Variants in SCNN1D observed in about 807,000 individuals in gnomAD.
SCNN1D encodes the protein epithelial sodium channel subunit delta.
A neutral mutation model predicts 87.8 loss-of-function variants in SCNN1D; 104 were observed. The observed-to-expected ratio is 1.18, with a 90% CI of 1.01 to 1.39. The LOEUF (loss-of-function observed/expected upper bound fraction) is 1.39, where lower values mean the gene tolerates loss of function less well. Ranked by LOEUF, SCNN1D falls within the 40% of genes most tolerant of loss-of-function variation. The pLI is 0.00. For missense variants in SCNN1D, 1,324 were observed against 1,093.9 expected, an observed-to-expected ratio of 1.21 and a Z score of -2.97; for synonymous variants, 628 against 481.2, an observed-to-expected ratio of 1.31 and a Z score of -3.99.
In SCNN1D at chr1:1,291,242, C is replaced by A; in HGVS notation, c.2053-12C>A. 6.4e-7 allele frequency: 1 copy of A among 1,560,464 alleles called. No individual in the cohort carries two copies. The highest frequency in any genetic ancestry group is 8.7e-7 in the Non-Finnish European group (1 of 1,153,746). On this transcript the variant is annotated splice_polypyrimidine_tract_variant and intron_variant, in intron 17 of 17. Coordinates refer to ENST00000379116, the MANE Select transcript of SCNN1D (RefSeq NM_001130413.4). Reference sequence around the variant, plus strand: ...CCTGGGCCCGCCCCTCACACCCGCACCCCACCCGCAGGTGCCGCAGCTGCT... The same window carrying A: ...CCTGGGCCCGCCCCTCACACCCGCAACCCACCCGCAGGTGCCGCAGCTGCT...
intron 12 of SCNN1D, among the ~76,000 whole-genome samples, 167 bp downstream of exon 12, chr1:1,288,204 T>C (rs372889508): frequency 0.03 from 4,181 of 140,056 alleles, 106 homozygotes; most frequent in African/African-American, 0.044. Context: ...CTCCATTCCC[T>C]GTGTCTCTGC....
Position 1,290,485 on chromosome 1 carries a change from T to C in SCNN1D, c.1789T>C (p.Phe597Leu), listed in dbSNP as rs748506550. 6.2e-7 allele frequency: 1 copy of C among 1,612,678 alleles called. No homozygotes were observed. Among genetic ancestry groups the C allele is most frequent in the South Asian group, 1.1e-5 (1 of 91,086 alleles). ...SARHPAWGHC[F>L]YRLYQDLETH... ...TCTGACCCCTCCCCAAGGACACTGCTTCTACCGCCTCTACCAGGACCTGGA... is the reference window on the plus strand; with the variant it reads ...TCTGACCCCTCCCCAAGGACACTGCCTCTACCGCCTCTACCAGGACCTGGA... Residue 597 changes from phenylalanine to leucine, a missense_variant, in exon 14 of 18, where the codon TTC becomes CTC. Transcript: ENST00000379116.
rs752844730 is a variant in SCNN1D, at chr1:1,287,150, G to C, written c.1161G>C (p.Thr387=). 6.2e-7 allele frequency: 1 copy of C among 1,607,704 alleles called. No individual in the cohort carries two copies. The highest frequency in any genetic ancestry group is 8.5e-7 in the Non-Finnish European group (1 of 1,176,124). ...GCGACTGCTTTTACCGAGGCTACAC[G>C]TCAGGCGTGGCGGCTGTCCAGGACT... ...TGGDCFYRGY[T]SGVAAVQDWY... is the part of the protein sequence containing the mutation. The change falls in exon 9 of 18, where the codon ACG becomes ACC. Residue 387 remains threonine (T), a synonymous_variant. Transcript: ENST00000379116.
chr1:1,291,366 T>G lies in SCNN1D; in HGVS notation c.2165T>G (p.Leu722Arg). The change falls in exon 18 of 18, where the codon CTG (leucine) becomes CGG (arginine). Residue 722 changes from leucine to arginine, a missense_variant. Transcript: ENST00000379116. ...ELLLDASALT[L>R]VLGGRRLRRA... ...CTGCTCGATGCTTCTGCCCTCACCC[T>G]GGTGCTAGGCGGCCGCCGGCTCCGC... 3.7e-6 allele frequency: 6 copies of G among 1,608,798 alleles called. No homozygotes were observed. The highest frequency in any genetic ancestry group is 5.1e-6 in the Non-Finnish European group (6 of 1,178,692).
chr1:1,280,911 G>GGTGCCACCTTA (rs1294875341), intron 1 of SCNN1D: 11 of 582,102 alleles, frequency 1.9e-5, no homozygotes, highest in Non-Finnish European at 2.8e-5. Context: ...GGGGCACCTT[G>GGTGCCACCTTA]GTGCCACCTT....
In SCNN1D at chr1:1,281,485, G is replaced by T. The variant is rs1040214447; in HGVS notation, c.152G>T (p.Cys51Phe). 1.3e-6 allele frequency: 2 copies of T among 1,526,752 alleles called. No individual in the cohort carries two copies. Among genetic ancestry groups the T allele is most frequent in the Admixed American group, 4.0e-5 (2 of 50,236 alleles). The allele number at this position is 1,526,752 out of a possible 1,614,324, so 94.6% of individuals were successfully genotyped here. ...CTGGGTTCGCCCCACCCCACCCCCT[G>T]CACCGGGCCAGCGAGGGGATGGCCC... ...RELGSPHPTP[C>F]TGPARGWPRR... is the part of the protein sequence containing the mutation. The change falls in exon 3 of 18, where the codon TGC (cysteine) becomes TTC (phenylalanine). Residue 51 changes from cysteine (C) to phenylalanine (F), a missense_variant. By Grantham distance (205) the Cys-to-Phe change is radical (BLOSUM62 -2). Coordinates refer to ENST00000379116, the MANE Select transcript of SCNN1D (RefSeq NM_001130413.4).
At position 1,291,254 on chromosome 1, in the gene SCNN1D, G is replaced by GTGCCGCAGC; in HGVS notation, c.2057_2065dup (p.Pro686_Leu688dup). The GTGCCGCAGC allele has an allele frequency of 2.6e-6, 4 of 1,559,400 alleles. No homozygotes were observed. Among genetic ancestry groups the GTGCCGCAGC allele is most frequent in the Non-Finnish European group, 3.5e-6 (4 of 1,153,238 alleles). On this transcript the variant is annotated inframe_insertion and splice_region_variant, in exon 18 of 18. Transcript: ENST00000379116. ...CCTCACACCCGCACCCCACCCGCAG[G>GTGCCGCAGC]TGCCGCAGCTGCTCTCGGCCATGGG...
At chr1:1,290,856 A>T in intron 15 of SCNN1D, 39 bp from the exon 16 acceptor site, 1 of 1,604,664 alleles carries the variant, frequency 6.2e-7, no homozygotes. Context: ...GGCCGGGGGC[A>T]TGGGGGAGCC....
Position 1,285,984 on chromosome 1 carries a change from A to G in SCNN1D, c.617A>G (p.Lys206Arg). The change falls in exon 7 of 18, where the codon AAG becomes AGG. Residue 206 changes from lysine (K) to arginine (R), a missense_variant. Coordinates refer to ENST00000379116, the MANE Select transcript of SCNN1D (RefSeq NM_001130413.4). ...CCATCAGCACCACCACCACCACCCA[A>G]GGAGGGGCACCAGGAGGGGCTGGTG... is the stretch of plus-strand genomic sequence containing the variant. ...GPPSAPPPPP[K>R]EGHQEGLVEL... The G allele has an allele frequency of 5.1e-6, 8 of 1,559,506 alleles. No homozygotes were observed. The highest frequency in any genetic ancestry group is 7.0e-6 in the Non-Finnish European group (8 of 1,151,038).
intron 7 of SCNN1D, among the ~76,000 whole-genome samples, chr1:1,286,547 C>T (rs980377673): frequency 6.6e-6 from 1 of 152,110 alleles, no homozygotes; most frequent in Admixed American, 6.5e-5. Context: ...GTGGGCGAGG[C>T]TTTCCAGAAG....
In SCNN1D at chr1:1,287,758, C is replaced by T. The variant is rs769468032; in HGVS notation, c.1485C>T (p.Gly495=). The change falls in exon 11 of 18, where the codon GGC becomes GGT. Residue 495 remains glycine, a synonymous_variant. Coordinates refer to ENST00000379116, the MANE Select transcript of SCNN1D (RefSeq NM_001130413.4). ...TLAGIRVMVH[G]RNHTPFLGHH... is the part of the protein sequence containing the mutation. ...CCGGCATCAGGGTCATGGTTCACGG[C>T]CGTAACCACACGCCCTTCCTGGGGC... 11 of 1,603,240 alleles carry T rather than the reference C, an allele frequency of 6.9e-6. No individual in the cohort carries two copies. In the East Asian group the frequency reaches 1.1e-4, roughly 16 times the overall value.
At chr1:1,281,988 T>C (rs555763487) in intron 3 of SCNN1D, 8 of 583,632 alleles carry the variant, frequency 1.4e-5, no homozygotes, top group Admixed American at 1.3e-4. Flanking sequence ...GCCCGGGCCA[T>C]GTGTGCCCTG....
At chr1:1,282,427 A>C in intron 4 of SCNN1D, 112 bp downstream of exon 4, 1 of 1,259,314 alleles carries the variant, frequency 7.9e-7, no homozygotes, top group Non-Finnish European at 1.1e-6. Flanking sequence ...GATGTCAGGA[A>C]CACAGAGCCT....
chr1:1,288,070 G>T, intron 12 of SCNN1D, 33 bp downstream of exon 12: 1 of 1,405,344 alleles, frequency 7.1e-7, no homozygotes, highest in Non-Finnish European at 9.6e-7. Flanking sequence ...TGCGGGGGCA[G>T]GTGAGGCTGG....
intron 5 of SCNN1D, among the ~76,000 whole-genome samples, chr1:1,285,320 G>A (rs994422425): frequency 7.9e-5 from 12 of 152,246 alleles, no homozygotes; most frequent in Non-Finnish European, 1.3e-4. Context: ...GGCTTCCTGG[G>A]GCCCTTGTGT....
chr1:1,287,357 C>G, intron 9 of SCNN1D, 58 bp downstream of exon 9: 1 of 1,498,000 alleles, frequency 6.7e-7, no homozygotes, highest in Non-Finnish European at 8.9e-7. Context: ...CGTGGCCGCA[C>G]CCCTGGGGTC....
In SCNN1D at chr1:1,291,624, G is replaced by T; in HGVS notation, c.*14G>T. 1.3e-6 allele frequency: 2 copies of T among 1,501,352 alleles called. No individual in the cohort carries two copies. Among genetic ancestry groups the T allele is most frequent in the Non-Finnish European group, 8.9e-7 (1 of 1,120,672 alleles). The allele number at this position is 1,501,352 out of a possible 1,614,324, so 93.0% of individuals were successfully genotyped here. On this transcript the variant is annotated 3_prime_UTR_variant, in exon 18 of 18. Coordinates refer to ENST00000379116, the MANE Select transcript of SCNN1D (RefSeq NM_001130413.4). ...CTGGACACCTGAACCAGACCTGCCA[G>T]GGCTGTGCGATCTCTTGGCCTGGTC...
Position 1,285,621 on chromosome 1 carries a change from A to G in SCNN1D, c.515A>G (p.Gln172Arg), listed in dbSNP as rs72896210. ...AGGCCCTGCCACCTGAAGGGATGGCAGCACAGACCCACTCAGCACAACGCT... is the reference window on the plus strand; with the variant it reads ...AGGCCCTGCCACCTGAAGGGATGGCGGCACAGACCCACTCAGCACAACGCT... ...PQRPCHLKGW[Q>R]HRPTQHNAAC... Residue 172 changes from glutamine (Q) to arginine (R), a missense_variant, in exon 6 of 18, where the codon CAG (glutamine) becomes CGG (arginine). Gln to Arg is a conservative substitution (Grantham distance 43). Transcript: ENST00000379116. 19,053 of 1,547,452 alleles carry G rather than the reference A, an allele frequency of 0.012. 1,821 individuals carry two copies. The African/African-American group carries it at 0.21, about 17-fold the overall frequency.
At chr1:1,290,173 C>CCTACTCCGTCCCGTGTCT in intron 12 of SCNN1D, 98 bp from the exon 13 acceptor site, 1 of 267,498 alleles carries the variant, frequency 3.7e-6, no homozygotes, top group Admixed American at 1.3e-4. Context: ...GTCCCGTGTC[C>CCTACTCCGTCCCGTGTCT]CTGCTCCGTC....
Sources: gnomAD v4.1 joint callset for allele counts (sites outside exome capture counted in the v4.1 genomes callset) on GRCh38, gnomAD v4.1.1 for gene constraint, MANE v1.5 for transcripts, NCBI Gene and HGNC (gene_info 2026-07-23, HGNC 2026-07-21) for gene names.